CCBE1: variants seen among roughly 807,000 people sequenced by gnomAD.
CCBE1 encodes collagen and calcium binding EGF domains 1, also known as collagen and calcium-binding EGF domain-containing protein 1.
A neutral mutation model predicts 50.0 loss-of-function variants in CCBE1; 37 were observed. That is an observed-to-expected ratio of 0.74 (90% CI 0.57 to 0.97). The LOEUF (loss-of-function observed/expected upper bound fraction) is 0.97. Among genes scored for constraint, CCBE1 ranks in the 50% least tolerant of loss-of-function variants. The probability of loss-of-function intolerance (pLI) is 0.00; values close to 1 mark genes in which losing one functional copy is unlikely to be tolerated. For missense variants in CCBE1, 538 were observed against 523.8 expected (o/e 1.03, Z -0.26); for synonymous variants, 234 against 203.7 (o/e 1.15, Z -1.27).
At chr18:59,696,489 G>T in intron 2 of CCBE1, 140 bp downstream of exon 2, 1 of 1,528,858 alleles carries the variant, frequency 6.5e-7, no homozygotes, top group South Asian at 1.2e-5. Flanking sequence ...GATTCGCACC[G>T]CGCGGCACGC....
At position 59,433,609 on chromosome 18, in the gene CCBE1, A is replaced by ATT. The variant is rs35448271; in HGVS notation, c.*2297_*2298dup. On this transcript the variant is annotated 3_prime_UTR_variant, in exon 11 of 11. Transcript: ENST00000439986. The stretch of plus-strand genomic sequence containing the variant: ...GGCATTCAAACACAACAAAAGGGAT[A>ATT]TTTTTTTTTTTTTGAGACAGAGTCT... The ATT allele has an allele frequency of 0.049, 7,137 of 144,460 alleles. 213 individuals are homozygous for ATT. The highest frequency in any genetic ancestry group is 0.084 in the Admixed American group (1,230 of 14,572). The allele number at this position is 144,460 out of a possible 1,614,324, so 8.9% of individuals were successfully genotyped here.
rs141909506 is a variant in CCBE1 at position 59,632,656 on chromosome 18, T to C, written c.212+63973A>G. The stretch of plus-strand genomic sequence containing the variant: ...CAGGCTGGAGTGCAGTGGCACGATC[T>C]TGGCTCACCGCAACTTCCAACCTCC... On this transcript the variant is annotated intron_variant, in intron 2 of 10. Coordinates refer to ENST00000439986, the MANE Select transcript of CCBE1 (RefSeq NM_133459.4). 2.5e-3 allele frequency among the ~76,000 whole-genome samples: 374 copies of C among 152,284 alleles called. 9 individuals are homozygous for C. The East Asian group carries it at 0.037, about 15-fold the overall frequency.
chr18:59,452,688 C>A (rs1246989610), intron 6 of CCBE1, among the ~76,000 whole-genome samples: 2 of 152,148 alleles, frequency 1.3e-5, no homozygotes, highest in South Asian at 4.1e-4. Context: ...CCCTCTCGGA[C>A]GGTTATTGCA....
In CCBE1 at chr18:59,590,821, A is replaced by G. The variant is rs190600053; in HGVS notation, c.212+105808T>C. Among the ~76,000 whole-genome samples, 1,393 of 152,362 alleles carry G rather than the reference A, an allele frequency of 9.1e-3. 19 individuals carry two copies. The highest frequency in any genetic ancestry group is 0.031 in the African/African-American group (1,268 of 41,572). ...AACTAAATAGTCCATTAGTAAAAAGATAAAATTAGATACAGACTTCACTCC... is the reference window on the plus strand; with the variant it reads ...AACTAAATAGTCCATTAGTAAAAAGGTAAAATTAGATACAGACTTCACTCC... On this transcript the variant is annotated intron_variant, in intron 2 of 10. Transcript: ENST00000439986.
In CCBE1 at chr18:59,466,856, A is replaced by C; in HGVS notation, c.436T>G (p.Cys146Gly). 1.2e-6 allele frequency: 2 copies of C among 1,613,530 alleles called. No homozygotes were observed. The highest frequency in any genetic ancestry group is 2.2e-5 in the South Asian group (2 of 91,062). ...AAGGTATTGATGCAGATGTGGGCAC[A>C]CAGCGTCCCATTGCTGCTGGCACAC... ...DECASSNGTL[C>G]AHICINTLGS... Residue 146 changes from cysteine (C) to glycine (G), a missense_variant, in exon 5 of 11, where the codon TGT becomes GGT. Cys to Gly is a radical substitution (Grantham distance 159). Coordinates refer to ENST00000439986, the MANE Select transcript of CCBE1 (RefSeq NM_133459.4).
At chr18:59,480,890 A>C (rs932572213) in intron 2 of CCBE1, among the ~76,000 whole-genome samples, 5 of 152,288 alleles carry the variant, frequency 3.3e-5, no homozygotes, top group African/African-American at 1.2e-4. Flanking sequence ...TAATTTAACC[A>C]AGTTAACTAC....
intron 2 of CCBE1, among the ~76,000 whole-genome samples, chr18:59,673,995 T>C (rs2054466736): frequency 6.6e-6 from 1 of 152,228 alleles, no homozygotes; most frequent in Admixed American, 6.5e-5. Flanking sequence ...TTCTATTGTT[T>C]GGAACAGTTT....
chr18:59,589,660 G>A (rs2144530908), intron 2 of CCBE1, among the ~76,000 whole-genome samples: 1 of 152,018 alleles, frequency 6.6e-6, no homozygotes, highest in South Asian at 2.1e-4. Flanking sequence ...TTAGCCGGGT[G>A]TGGTGGTGGG....
intron 2 of CCBE1, among the ~76,000 whole-genome samples, chr18:59,570,216 T>C (rs1447214381): frequency 2.0e-5 from 3 of 152,064 alleles, no homozygotes; most frequent in Non-Finnish European, 4.4e-5. Flanking sequence ...AATAATTAAG[T>C]AGGAAGCTGC....
chr18:59,655,461 TA>T (rs537606282), intron 2 of CCBE1, among the ~76,000 whole-genome samples: 30 of 152,222 alleles, frequency 2.0e-4, no homozygotes, highest in Admixed American at 3.3e-4. Context: ...AAGGGCTTAT[TA>T]AAAAAACATT....
intron 4 of CCBE1, among the ~76,000 whole-genome samples, chr18:59,468,147 G>T (rs565664036): frequency 1.3e-4 from 20 of 152,308 alleles, no homozygotes; most frequent in African/African-American, 2.6e-4. Flanking sequence ...CAGCGCTTTG[G>T]GGGGGCCAAG....
chr18:59,673,771 C>T (rs2054464752), intron 2 of CCBE1, among the ~76,000 whole-genome samples: 1 of 152,184 alleles, frequency 6.6e-6, no homozygotes, highest in African/African-American at 2.4e-5. Context: ...TTGAACCGGC[C>T]TTGCATCCCA....
intron 2 of CCBE1, among the ~76,000 whole-genome samples, chr18:59,601,444 C>A (rs574149980): frequency 1.3e-5 from 2 of 152,128 alleles, no homozygotes; most frequent in South Asian, 2.1e-4. Flanking sequence ...GTAAGACGTG[C>A]CTTTGCTCCT....
intron 2 of CCBE1, among the ~76,000 whole-genome samples, chr18:59,648,878 T>C (rs990737251): frequency 6.6e-6 from 1 of 152,174 alleles, no homozygotes; most frequent in African/African-American, 2.4e-5. Context: ...TCCTTGTATT[T>C]CTTCAACCAA....
rs140385440 is a variant in CCBE1 at position 59,641,470 on chromosome 18, G to C, written c.212+55159C>G. Reference sequence around the variant, plus strand: ...TGAGGGTGGAGGGTGGGAGGAGGGTGAGGACCGAAACACTACCTATTGGGT... The same window carrying C: ...TGAGGGTGGAGGGTGGGAGGAGGGTCAGGACCGAAACACTACCTATTGGGT... On this transcript the variant is annotated intron_variant, in intron 2 of 10. Coordinates refer to ENST00000439986, the MANE Select transcript of CCBE1 (RefSeq NM_133459.4). 1.1e-3 allele frequency among the ~76,000 whole-genome samples: 173 copies of C among 152,170 alleles called. 1 individual carries two copies. The East Asian group carries it at 0.029, about 25-fold the overall frequency.
chr18:59,520,065 G>T (rs959906346), intron 2 of CCBE1, among the ~76,000 whole-genome samples: 1 of 152,182 alleles, frequency 6.6e-6, no homozygotes, highest in Non-Finnish European at 1.5e-5. Context: ...ATGCTGTTTT[G>T]GTTACTGTAG....
intron 2 of CCBE1, among the ~76,000 whole-genome samples, chr18:59,539,161 G>A (rs369013753): frequency 1.3e-4 from 20 of 151,034 alleles, no homozygotes; most frequent in African/African-American, 4.2e-4. Flanking sequence ...GGGCTATAGG[G>A]CAGGACTCTG....
intron 2 of CCBE1, among the ~76,000 whole-genome samples, chr18:59,582,047 A>G (rs915295702): frequency 2.6e-5 from 4 of 152,052 alleles, no homozygotes; most frequent in Non-Finnish European, 4.4e-5. Flanking sequence ...CCCCAGGTAC[A>G]GGGCTCCTGT....
At position 59,435,848 on chromosome 18, in the gene CCBE1, T is replaced by C. The variant is rs1910125688; in HGVS notation, c.*60A>G. On this transcript the variant is annotated 3_prime_UTR_variant, in exon 11 of 11. Transcript: ENST00000439986. ...TCCAGTGGTCTTTCTTCTCTTTAGA[T>C]GGTTTAACTGCAGGTGAGTTGATCT... 7 of 1,428,300 alleles carry C rather than the reference T, an allele frequency of 4.9e-6. No individual in the cohort carries two copies. In the African/African-American group the frequency reaches 7.0e-5, roughly 14 times the overall value. The allele number at this position is 1,428,300 out of a possible 1,614,324, so 88.5% of individuals were successfully genotyped here. A position where few individuals can be genotyped will look rare whatever the true frequency, so the allele number is the denominator to read the frequency against.
Sources: allele counts gnomAD v4.1 joint callset (sites outside exome capture counted in the v4.1 genomes callset), GRCh38; gene constraint gnomAD v4.1.1; transcripts MANE v1.5; gene names NCBI Gene and HGNC (gene_info 2026-07-23, HGNC 2026-07-21).